PLXNA2: variants seen among roughly 807,000 people sequenced by gnomAD.
The protein encoded by PLXNA2 is plexin A2.
A neutral mutation model predicts 193.5 loss-of-function variants in PLXNA2; 91 were observed. The observed-to-expected ratio is 0.47, with a 90% confidence interval of 0.40 to 0.56. PLXNA2 has a LOEUF of 0.56. Among genes scored for constraint, PLXNA2 ranks in the 20% least tolerant of loss-of-function variants. The pLI is 0.00. For synonymous variants in PLXNA2, 997 were observed against 1,027.3 expected (o/e 0.97, Z 0.56); for missense variants, 1,995 against 2,503.2 (o/e 0.80, Z 4.33).
rs1023794236 is a variant in PLXNA2, at chr1:208,211,465, G to A, written c.1189-1003C>T. On this transcript the variant is annotated intron_variant, in intron 2 of 31. Coordinates refer to ENST00000367033, the MANE Select transcript of PLXNA2 (RefSeq NM_025179.4). Reference sequence around the variant, plus strand: ...TCCCAGCACTTTGGGAGGCCAAGGCGGGCAGTTCACGAAGTCAGGAGATCG... The same window carrying A: ...TCCCAGCACTTTGGGAGGCCAAGGCAGGCAGTTCACGAAGTCAGGAGATCG... Among the ~76,000 whole-genome samples the A allele has an allele frequency of 2.6e-5, 4 of 152,130 alleles. No individual in the cohort carries two copies. The East Asian group carries it at 5.8e-4, about 22-fold the overall frequency.
chr1:208,190,921 C>T (rs1159091821), intron 3 of PLXNA2, among the ~76,000 whole-genome samples: 2 of 152,180 alleles, frequency 1.3e-5, no homozygotes, highest in African/African-American at 4.8e-5. Context: ...TCTACTCAGT[C>T]CTGGACCCCA....
At chr1:208,121,194 G>C (rs1051622295) in intron 4 of PLXNA2, among the ~76,000 whole-genome samples, 1 of 152,162 alleles carries the variant, frequency 6.6e-6, no homozygotes, top group African/African-American at 2.4e-5. Flanking sequence ...CACCATGAGC[G>C]AGAGCTGGGC....
intron 12 of PLXNA2, among the ~76,000 whole-genome samples, chr1:208,062,827 A>C (rs892771595): frequency 5.3e-5 from 8 of 151,990 alleles, no homozygotes; most frequent in Non-Finnish European, 1.2e-4. Flanking sequence ...CTGTCCCTGC[A>C]CTCTAAAAAT....
At position 208,086,919 on chromosome 1, in the gene PLXNA2, T is replaced by C. The variant is rs541831302; in HGVS notation, c.2098-2339A>G. Among the ~76,000 whole-genome samples, 4 of 148,910 alleles carry C rather than the reference T, an allele frequency of 2.7e-5. No individual in the cohort carries two copies. The East Asian group carries it at 8.1e-4, about 30-fold the overall frequency. ...CTAATGTTAGAATTTAAGTTAGAAA[T>C]AAGGCTGGGGTATAATGGTCTCTCT... is the stretch of plus-strand genomic sequence containing the variant. On this transcript the variant is annotated intron_variant, in intron 9 of 31. Coordinates refer to ENST00000367033, the MANE Select transcript of PLXNA2 (RefSeq NM_025179.4).
intron 4 of PLXNA2, among the ~76,000 whole-genome samples, chr1:208,129,687 T>G (rs979546939): frequency 1.3e-5 from 2 of 152,202 alleles, no homozygotes. Flanking sequence ...CAGGAAGCCT[T>G]CCTTGACTCA....
chr1:208,039,892 C>T (rs1286067894), intron 23 of PLXNA2, 100 bp downstream of exon 23: 3 of 1,579,192 alleles, frequency 1.9e-6, no homozygotes, highest in Non-Finnish European at 2.6e-6. Context: ...CAGGTTCCTG[C>T]TCCCGAGGGA....
chr1:208,045,834 C>T (rs1665044482), intron 18 of PLXNA2, 44 bp downstream of exon 18: 3 of 1,607,856 alleles, frequency 1.9e-6, no homozygotes, highest in Non-Finnish European at 2.6e-6. Context: ...CGCCCTCTGG[C>T]ATTGCTGCCC....
intron 1 of PLXNA2, 72 bp from the exon 2 acceptor site, chr1:208,218,074 A>G: frequency 7.2e-7 from 1 of 1,381,262 alleles, no homozygotes; most frequent in Non-Finnish European, 9.9e-7. Context: ...GGCCTGACCC[A>G]GGGTCCCCAT....
intron 12 of PLXNA2, among the ~76,000 whole-genome samples, chr1:208,071,726 CCT>C (rs1217440613): frequency 6.6e-6 from 1 of 152,194 alleles, no homozygotes; most frequent in African/African-American, 2.4e-5. Flanking sequence ...GACACCATCC[CCT>C]GTTAGCTGTT....
chr1:208,040,326 G>T (rs940884780), intron 22 of PLXNA2: 11 of 486,776 alleles, frequency 2.3e-5, no homozygotes, highest in Non-Finnish European at 4.0e-5. Context: ...CTGAACTTTG[G>T]CTGCATCTGA....
At position 208,082,555 on chromosome 1, in the gene PLXNA2, A is replaced by C. The variant is rs1421408760; in HGVS notation, c.2299-47T>G. 1 of 1,393,440 alleles carries C rather than the reference A, an allele frequency of 7.2e-7. No individual in the cohort carries two copies. The highest frequency in any genetic ancestry group is 1.0e-6 in the Non-Finnish European group (1 of 983,360). The allele number at this position is 1,393,440 out of a possible 1,614,324, so 86.3% of individuals were successfully genotyped here. ...CATGGGGCTCATGTGGCTCTCTATC[A>C]CAGGGGTCAGGGATGCAGACAAACC... On this transcript the variant is annotated intron_variant, in intron 10 of 31. Coordinates refer to ENST00000367033, the MANE Select transcript of PLXNA2 (RefSeq NM_025179.4). The surrounding 1 kb of genome is among the most constrained non-coding windows in gnomAD (Gnocchi z 4.2).
intron 12 of PLXNA2, among the ~76,000 whole-genome samples, chr1:208,067,085 C>T (rs1009744195): frequency 6.6e-6 from 1 of 152,110 alleles, no homozygotes; most frequent in African/African-American, 2.4e-5. Flanking sequence ...TGGCTCATGC[C>T]TGTAATCCCA....
intron 3 of PLXNA2, among the ~76,000 whole-genome samples, chr1:208,160,590 T>G (rs545621689): frequency 1.3e-5 from 2 of 152,382 alleles, no homozygotes; most frequent in East Asian, 3.9e-4. Flanking sequence ...AAGCCTTCTT[T>G]ATCCCCAATC....
chr1:208,135,066 A>C (rs975034161), intron 4 of PLXNA2, among the ~76,000 whole-genome samples: 1 of 152,042 alleles, frequency 6.6e-6, no homozygotes, highest in South Asian at 2.1e-4. Flanking sequence ...CAGCTGCTGG[A>C]CATTGGTGGA....
chr1:208,239,334 T>A (rs758802578), intron 1 of PLXNA2, among the ~76,000 whole-genome samples: 2 of 152,182 alleles, frequency 1.3e-5, no homozygotes, highest in Admixed American at 6.5e-5. Flanking sequence ...TTTCTCTTTG[T>A]GTTCACTCTG....
intron 28 of PLXNA2, 51 bp downstream of exon 28, chr1:208,033,268 G>T (rs747110886): frequency 6.6e-7 from 1 of 1,505,748 alleles, no homozygotes; most frequent in Non-Finnish European, 9.1e-7. Context: ...TGGAGGGGCA[G>T]GATGTGCTCC....
In PLXNA2 at chr1:208,028,719, T is replaced by G. The variant is rs1571837392; in HGVS notation, c.5438+111A>C. The G allele has an allele frequency of 1.1e-5, 11 of 958,816 alleles. No homozygotes were observed. Among genetic ancestry groups the G allele is most frequent in the South Asian group, 3.4e-5 (2 of 59,260 alleles). The allele number at this position is 958,816 out of a possible 1,614,324, so 59.4% of individuals were successfully genotyped here. The stretch of plus-strand genomic sequence containing the variant: ...GTGTGGCAGGGAGGGGAGTGGGAGG[T>G]CCTGAAGAGATGACAGACACCGTCG... On this transcript the variant is annotated intron_variant, in intron 30 of 31. Coordinates refer to ENST00000367033, the MANE Select transcript of PLXNA2 (RefSeq NM_025179.4). This position sits in a 1 kb window ranked among gnomAD's most constrained non-coding sequence, Gnocchi z 4.2.
intron 5 of PLXNA2, among the ~76,000 whole-genome samples, chr1:208,101,595 A>T (rs1667097823): frequency 6.6e-6 from 1 of 152,228 alleles, no homozygotes; most frequent in Non-Finnish European, 1.5e-5. Context: ...GTCACGGCTG[A>T]CCTGCACCAG....
chr1:208,128,461 G>A (rs528505085), intron 4 of PLXNA2, among the ~76,000 whole-genome samples: 5 of 152,212 alleles, frequency 3.3e-5, no homozygotes, highest in African/African-American at 1.2e-4. Flanking sequence ...GTCCTATCAG[G>A]TAGGTATTAT....
Sources: allele counts gnomAD v4.1 joint callset (sites outside exome capture counted in the v4.1 genomes callset), GRCh38; gene constraint gnomAD v4.1.1; non-coding constraint Gnocchi (gnomAD v3.1); transcripts MANE v1.5; gene names NCBI Gene and HGNC (gene_info 2026-07-23, HGNC 2026-07-21).